The following MLLT3 variants were observed in gnomAD, a reference collection of about 807,000 sequenced individuals.
The protein encoded by MLLT3 is MLLT3 super elongation complex subunit.
A neutral mutation model predicts 53.2 loss-of-function variants in MLLT3; 4 were observed. The ratio of observed to expected loss-of-function variants is 0.08; its 90% CI spans 0.04 to 0.17. The LOEUF (loss-of-function observed/expected upper bound fraction) is 0.17. Ranked by LOEUF, MLLT3 falls within the 10% of genes least tolerant of loss-of-function variation. The pLI is 1.00. For missense variants in MLLT3, 569 were observed against 684.0 expected, an observed-to-expected ratio of 0.83 and a Z score of 1.87; for synonymous variants, 283 against 230.6, an observed-to-expected ratio of 1.23 and a Z score of -2.06.
At chr9:20,505,718 G>A (rs1825364627) in intron 2 of MLLT3, among the ~76,000 whole-genome samples, 1 of 152,156 alleles carries the variant, frequency 6.6e-6, no homozygotes. Flanking sequence ...AAAGAAGTGG[G>A]CTTGATTGCT....
At chr9:20,365,548 C>A in intron 6 of MLLT3, 121 bp downstream of exon 6, 2 of 1,127,604 alleles carry the variant, frequency 1.8e-6, no homozygotes, top group South Asian at 2.9e-5. Context: ...CACGGTTTCA[C>A]CGTGTTAGCT....
At chr9:20,435,919 G>T (rs531553074) in intron 4 of MLLT3, among the ~76,000 whole-genome samples, 2 of 152,016 alleles carry the variant, frequency 1.3e-5, no homozygotes, top group Non-Finnish European at 2.9e-5. Flanking sequence ...CACGCATGGC[G>T]GGGTAGTGGA....
chr9:20,353,984 G>T (rs1021622010), intron 9 of MLLT3, among the ~76,000 whole-genome samples: 1 of 152,086 alleles, frequency 6.6e-6, no homozygotes, highest in African/African-American at 2.4e-5. Context: ...ATCTCAGAAG[G>T]TTTCTAAGAG....
chr9:20,596,948 A>G (rs1183900373), intron 2 of MLLT3, among the ~76,000 whole-genome samples: 1 of 152,170 alleles, frequency 6.6e-6, no homozygotes, highest in Admixed American at 6.5e-5. Flanking sequence ...ATTTATTTAA[A>G]TAGTCCTCTA....
rs577111602 is a variant in MLLT3, at chr9:20,512,254, A to T, written c.194-55468T>A. On this transcript the variant is annotated intron_variant, in intron 2 of 10. Transcript: ENST00000380338. ...CTGATCTGAAATTCCATTAGCAATC[A>T]TATTTTCACTCCACAGTAGATTTTT... is the stretch of plus-strand genomic sequence containing the variant. 2.0e-5 allele frequency among the ~76,000 whole-genome samples: 3 copies of T among 152,346 alleles called. No individual in the cohort carries two copies. In the East Asian group the frequency reaches 5.8e-4, roughly 29 times the overall value.
At chr9:20,456,140 T>C (rs1363144726) in intron 3 of MLLT3, among the ~76,000 whole-genome samples, 2 of 152,118 alleles carry the variant, frequency 1.3e-5, no homozygotes, top group African/African-American at 2.4e-5. Flanking sequence ...GGTTTCACCA[T>C]GTTGGCCAGG....
At chr9:20,517,894 T>C (rs1298050353) in intron 2 of MLLT3, among the ~76,000 whole-genome samples, 1 of 151,378 alleles carries the variant, frequency 6.6e-6, no homozygotes, top group East Asian at 1.9e-4. Context: ...GAGAAGCAGA[T>C]GGCAAAAGAG....
chr9:20,365,845 C>T (rs1480033583), intron 5 of MLLT3, 101 bp from the exon 6 acceptor site: 34 of 1,125,158 alleles, frequency 3.0e-5, no homozygotes, highest in East Asian at 1.5e-4. Flanking sequence ...CTGCAAAAAC[C>T]GTGATGCATT....
At chr9:20,556,371 T>C (rs947111993) in intron 2 of MLLT3, among the ~76,000 whole-genome samples, 3 of 152,116 alleles carry the variant, frequency 2.0e-5, no homozygotes, top group Admixed American at 6.6e-5. Flanking sequence ...AACATGAACA[T>C]GTATTATATT....
intron 10 of MLLT3, among the ~76,000 whole-genome samples, chr9:20,348,785 T>C (rs1820939845): frequency 6.6e-6 from 1 of 152,240 alleles, no homozygotes; most frequent in Non-Finnish European, 1.5e-5. Context: ...TTTGTTTTAT[T>C]AGTTATTAGT....
chr9:20,375,030 C>T (rs1020939562), intron 5 of MLLT3, among the ~76,000 whole-genome samples: 45 of 152,304 alleles, frequency 3.0e-4, no homozygotes, highest in African/African-American at 1.0e-3. Flanking sequence ...ACAGCAAGAA[C>T]GCAGCCATCT....
Position 20,413,877 on chromosome 9 carries a change from G to T in MLLT3, c.969C>A (p.Asp323Glu). 6.2e-7 allele frequency: 1 copy of T among 1,613,796 alleles called. No individual in the cohort carries two copies. The highest frequency in any genetic ancestry group is 2.2e-5 in the East Asian group (1 of 44,850). ...GAGATTTATCTTTTATCTGTTTTTT[G>T]TCAGCAGAACAAGTGAGTATCAGTG... ...APPLILTCSADKKQIKDKSHV... is the reference protein window; with the variant it reads ...APPLILTCSAEKKQIKDKSHV... The change falls in exon 5 of 11, where the codon GAC becomes GAA. Residue 323 changes from aspartate (D) to glutamate (E), a missense_variant. Asp to Glu is a conservative substitution (Grantham distance 45). This residue lies in a region of MLLT3 where 437 missense variants were observed against 376.5 expected (regional missense o/e 1.16). Coordinates refer to ENST00000380338, the MANE Select transcript of MLLT3 (RefSeq NM_004529.4).
intron 2 of MLLT3, among the ~76,000 whole-genome samples, chr9:20,562,061 T>C (rs544383540): frequency 2.3e-4 from 35 of 152,118 alleles, no homozygotes; most frequent in Non-Finnish European, 4.1e-4. Context: ...TCTATAAATA[T>C]TTTATGTCAT....
rs1820813547 is a variant in MLLT3 at position 20,344,401 on chromosome 9, T to C, written c.*2042A>G. 4.7e-6 allele frequency: 1 copy of C among 210,568 alleles called. No homozygotes were observed. Among genetic ancestry groups the C allele is most frequent in the Admixed American group, 5.9e-5 (1 of 17,040 alleles). 13.0% of individuals were successfully genotyped at this position (210,568 alleles called of 1,614,324 possible). A position where few individuals can be genotyped will look rare whatever the true frequency, so the allele number is the denominator to read the frequency against. ...GAAATTTTAAAATATTTTAAAAATT[T>C]GCAACATTTCCATATAAACATTACC... On this transcript the variant is annotated 3_prime_UTR_variant, in exon 11 of 11. Transcript: ENST00000380338.
At chr9:20,619,651 G>A (rs1820938237) in intron 2 of MLLT3, among the ~76,000 whole-genome samples, 1 of 152,184 alleles carries the variant, frequency 6.6e-6, no homozygotes, top group Non-Finnish European at 1.5e-5. Flanking sequence ...TATTTGTACT[G>A]TTACCTTCAC....
intron 2 of MLLT3, among the ~76,000 whole-genome samples, chr9:20,593,232 C>A (rs1442794415): frequency 6.6e-6 from 1 of 152,166 alleles, no homozygotes; most frequent in Non-Finnish European, 1.5e-5. Context: ...TCCCTTGGAA[C>A]CACCTCCTCT....
intron 2 of MLLT3, among the ~76,000 whole-genome samples, chr9:20,571,129 A>G (rs1361540354): frequency 2.6e-5 from 4 of 152,250 alleles, no homozygotes; most frequent in Non-Finnish European, 4.4e-5. Flanking sequence ...ACACATATAC[A>G]TATCATTCCT....
intron 2 of MLLT3, among the ~76,000 whole-genome samples, chr9:20,576,031 A>G (rs918421395): frequency 7.9e-5 from 12 of 152,190 alleles, no homozygotes; most frequent in Non-Finnish European, 4.4e-5. Flanking sequence ...CACCTTCCTC[A>G]ATGATCTTAG....
intron 2 of MLLT3, among the ~76,000 whole-genome samples, chr9:20,588,991 T>G (rs1478220731): frequency 6.6e-6 from 1 of 151,354 alleles, no homozygotes; most frequent in Non-Finnish European, 1.5e-5. Flanking sequence ...TTGGTGGGAC[T>G]GTAAACTAGT....
Sources: gnomAD v4.1 joint callset for allele counts (sites outside exome capture counted in the v4.1 genomes callset) on GRCh38, gnomAD v4.1.1 for gene constraint, gnomAD v4.1.1 regional missense constraint, MANE v1.5 for transcripts, NCBI Gene and HGNC (gene_info 2026-07-23, HGNC 2026-07-21) for gene names.